Variants in PRKCA observed in about 807,000 individuals in gnomAD.
PRKCA encodes protein kinase C alpha type.
A neutral mutation model predicts 87.0 loss-of-function variants in PRKCA; 27 were observed. The observed-to-expected ratio is 0.31, with a 90% CI of 0.23 to 0.43. The LOEUF is 0.43. Among genes scored for constraint, PRKCA ranks in the 20% least tolerant of loss-of-function variants. The pLI is 1.00. For missense variants in PRKCA, 518 were observed against 852.3 expected, an observed-to-expected ratio of 0.61 and a Z score of 4.88; for synonymous variants, 329 against 311.1, an observed-to-expected ratio of 1.06 and a Z score of -0.61.
intron 5 of PRKCA, among the ~76,000 whole-genome samples, chr17:66,666,582 A>T (rs1972048254): frequency 6.6e-6 from 1 of 152,220 alleles, no homozygotes; most frequent in Non-Finnish European, 1.5e-5. Flanking sequence ...TTCCAAAGAA[A>T]GATCTTGCTT....
chr17:66,493,301 G>GTGTT (rs71939158), intron 2 of PRKCA, among the ~76,000 whole-genome samples: 18,670 of 147,856 alleles, frequency 0.13, 1,392 homozygotes, highest in East Asian at 0.29. Flanking sequence ...GTATATTTGT[G>GTGTT]TGTGTGTGTG....
At chr17:66,385,707 C>A (rs77047905) in intron 2 of PRKCA, among the ~76,000 whole-genome samples, 1 of 152,162 alleles carries the variant, frequency 6.6e-6, no homozygotes, top group Non-Finnish European at 1.5e-5. Context: ...GCAACATAGA[C>A]GCTGCCTCTA....
chr17:66,630,544 C>G (rs771907263), intron 3 of PRKCA, among the ~76,000 whole-genome samples: 9 of 152,204 alleles, frequency 5.9e-5, no homozygotes, highest in Non-Finnish European at 1.2e-4. Flanking sequence ...CTTGCTTTTC[C>G]TTTCCTCTGC....
Position 66,732,322 on chromosome 17 carries a change from A to G in PRKCA, c.919-366A>G, listed in dbSNP as rs61762449. 4.4e-4 allele frequency among the ~76,000 whole-genome samples: 67 copies of G among 152,346 alleles called. 1 individual carries two copies. Among genetic ancestry groups the G allele is most frequent in the African/African-American group, 1.5e-3 (62 of 41,580 alleles). On this transcript the variant is annotated intron_variant, in intron 8 of 16. Transcript: ENST00000413366. Reference sequence around the variant, plus strand: ...ATCTACAAATACAAAAAGCATCAGTACACAGTTTATTTCCTTTATTATGTT... The same window carrying G: ...ATCTACAAATACAAAAAGCATCAGTGCACAGTTTATTTCCTTTATTATGTT...
intron 2 of PRKCA, among the ~76,000 whole-genome samples, chr17:66,410,108 A>C (rs1354013515): frequency 6.6e-6 from 1 of 152,208 alleles, no homozygotes; most frequent in African/African-American, 2.4e-5. Flanking sequence ...GACTGGTTCA[A>C]TATCTCCCCA....
At chr17:66,444,841 T>TA (rs1913951793) in intron 2 of PRKCA, among the ~76,000 whole-genome samples, 1 of 152,154 alleles carries the variant, frequency 6.6e-6, no homozygotes, top group African/African-American at 2.4e-5. Context: ...AAGAGCAAAA[T>TA]ATAATTTTCT....
chr17:66,523,344 G>T (rs1171936945), intron 3 of PRKCA, among the ~76,000 whole-genome samples: 1 of 152,144 alleles, frequency 6.6e-6, no homozygotes, highest in East Asian at 1.9e-4. Flanking sequence ...ACAAACTTTG[G>T]AGTCAAATAG....
intron 5 of PRKCA, among the ~76,000 whole-genome samples, chr17:66,663,859 GT>G (rs1971971636): frequency 7.4e-6 from 1 of 135,794 alleles, no homozygotes; most frequent in South Asian, 2.3e-4. Context: ...TGTTTGGTTT[GT>G]TTGATTTTGG....
intron 2 of PRKCA, among the ~76,000 whole-genome samples, chr17:66,460,143 A>G (rs1158497815): frequency 6.6e-6 from 1 of 152,178 alleles, no homozygotes; most frequent in Non-Finnish European, 1.5e-5. Context: ...CGGACTGGGC[A>G]TTTGTAACTT....
At chr17:66,755,395 C>T (rs1168640383) in intron 13 of PRKCA, among the ~76,000 whole-genome samples, 3 of 152,178 alleles carry the variant, frequency 2.0e-5, no homozygotes, top group African/African-American at 7.2e-5. Flanking sequence ...TTAATAACCG[C>T]CTCATCACAC....
intron 2 of PRKCA, among the ~76,000 whole-genome samples, chr17:66,452,061 A>T (rs1914350664): frequency 6.6e-6 from 1 of 152,164 alleles, no homozygotes; most frequent in South Asian, 2.1e-4. Context: ...TCCCTCATTT[A>T]TATGAAGCCG....
chr17:66,411,108 G>A (rs1911770340), intron 2 of PRKCA, among the ~76,000 whole-genome samples: 1 of 152,086 alleles, frequency 6.6e-6, no homozygotes, highest in South Asian at 2.1e-4. Context: ...GTCTTGCCCT[G>A]TCGCCCAGGC....
At chr17:66,349,658 C>T (rs1338588633) in intron 2 of PRKCA, among the ~76,000 whole-genome samples, 1 of 152,054 alleles carries the variant, frequency 6.6e-6, no homozygotes, top group Non-Finnish European at 1.5e-5. Flanking sequence ...CTTTAGTTGT[C>T]CAGGTCCTGT....
chr17:66,490,932 A>C (rs1916217523), intron 2 of PRKCA, among the ~76,000 whole-genome samples: 1 of 152,170 alleles, frequency 6.6e-6, no homozygotes, highest in Non-Finnish European at 1.5e-5. Flanking sequence ...CTGTTTCTGA[A>C]ATATACTTTC....
chr17:66,542,879 A>T (rs190492567), intron 3 of PRKCA, among the ~76,000 whole-genome samples: 4 of 152,346 alleles, frequency 2.6e-5, no homozygotes, highest in Admixed American at 1.3e-4. Context: ...CGAGGGTAAC[A>T]TTTTAAAGAT....
intron 8 of PRKCA, among the ~76,000 whole-genome samples, chr17:66,717,426 G>A (rs1429246678): frequency 6.6e-6 from 1 of 152,214 alleles, no homozygotes; most frequent in African/African-American, 2.4e-5. Flanking sequence ...AGGTTCAAAG[G>A]CTGGAGTTCT....
intron 2 of PRKCA, among the ~76,000 whole-genome samples, chr17:66,362,487 A>G (rs532834637): frequency 7.2e-5 from 11 of 152,166 alleles, no homozygotes; most frequent in South Asian, 4.1e-4. Flanking sequence ...CCAATGTTCA[A>G]TGTTATAATT....
chr17:66,555,553 C>T (rs972625387), intron 3 of PRKCA, among the ~76,000 whole-genome samples: 1 of 152,132 alleles, frequency 6.6e-6, no homozygotes, highest in Non-Finnish European at 1.5e-5. Flanking sequence ...AAATGTCCCT[C>T]CTTGGAAGTA....
intron 3 of PRKCA, among the ~76,000 whole-genome samples, chr17:66,530,151 C>T (rs1018047806): frequency 1.3e-5 from 2 of 152,156 alleles, no homozygotes; most frequent in African/African-American, 2.4e-5. Context: ...GAATCCTTAT[C>T]GTCTTGAAGT....
Sources: gnomAD v4.1 joint callset for allele counts (sites outside exome capture counted in the v4.1 genomes callset) on GRCh38, gnomAD v4.1.1 for gene constraint, MANE v1.5 for transcripts, NCBI Gene and HGNC (gene_info 2026-07-23, HGNC 2026-07-21) for gene names.